Variants in UBR7 observed in about 807,000 individuals in gnomAD.
UBR7 encodes the protein ubiquitin protein ligase E3 component n-recognin 7.
UBR7 carries 22 observed loss-of-function variants against 57.0 expected under a neutral mutation model. The observed-to-expected ratio is 0.39, with a 90% CI of 0.28 to 0.55. The LOEUF (loss-of-function observed/expected upper bound fraction) is 0.55, where lower values mean the gene tolerates loss of function less well. Among genes scored for constraint, UBR7 ranks in the 20% least tolerant of loss-of-function variants. UBR7 has a pLI of 0.69. For missense variants in UBR7, 395 were observed against 513.2 expected (o/e 0.77, Z 2.23); for synonymous variants, 167 against 179.8 (o/e 0.93, Z 0.57).
chr14:93,227,656 C>T lies in UBR7; in HGVS notation c.*621C>T, dbSNP rs962808015. 19 of 700,648 alleles carry T rather than the reference C, an allele frequency of 2.7e-5. No homozygotes were observed. The highest frequency in any genetic ancestry group is 3.4e-5 in the Non-Finnish European group (13 of 384,826). The allele number at this position is 700,648 out of a possible 1,614,324, so 43.4% of individuals were successfully genotyped here. On this transcript the variant is annotated 3_prime_UTR_variant, in exon 11 of 11. Coordinates refer to ENST00000013070, the MANE Select transcript of UBR7 (RefSeq NM_175748.4). ...TTCTGGTCTGGATGTCTGTCACAGG[C>T]GGAGAGATTAACAGATGACAGGGTT... is the stretch of plus-strand genomic sequence containing the variant.
chr14:93,225,327 CA>C (rs146140327), intron 10 of UBR7, among the ~76,000 whole-genome samples: 12 of 146,612 alleles, frequency 8.2e-5, no homozygotes, highest in African/African-American at 2.5e-4. Context: ...AAACAAAAAC[CA>C]AAAAAAAAAC....
chr14:93,222,424 AG>A (rs1894727774), intron 10 of UBR7, 50 bp downstream of exon 10: 3 of 1,346,776 alleles, frequency 2.2e-6, no homozygotes, highest in Admixed American at 1.7e-5. Context: ...TTTTGAATGA[AG>A]GGTTTATTTC....
chr14:93,216,383 A>G (rs1894593305), intron 6 of UBR7, among the ~76,000 whole-genome samples: 1 of 152,090 alleles, frequency 6.6e-6, no homozygotes, highest in South Asian at 2.1e-4. Context: ...AAATTAAATC[A>G]AAACAACTAA....
chr14:93,207,670 C>T (rs914777955), intron 1 of UBR7, among the ~76,000 whole-genome samples: 2 of 152,158 alleles, frequency 1.3e-5, no homozygotes, highest in Non-Finnish European at 2.9e-5. Context: ...CTGTCTCCAA[C>T]TCTGTCCGGC....
chr14:93,215,335 A>G, intron 6 of UBR7, 54 bp downstream of exon 6: 1 of 1,436,066 alleles, frequency 7.0e-7, no homozygotes. Context: ...TGAAATTTGT[A>G]TGTTCAATTC....
chr14:93,226,792 CAAA>C (rs55907535), intron 10 of UBR7, 148 bp from the exon 11 acceptor site: 26,795 of 335,442 alleles, frequency 0.08, 306 homozygotes, highest in Admixed American at 0.096. Flanking sequence ...CACTCCATCT[CAAA>C]AAAAAAAAAA....
Position 93,227,188 on chromosome 14 carries a change from C to CA in UBR7, c.*153_*154insA. The CA allele has an allele frequency of 1.5e-6, 1 of 652,630 alleles. No individual in the cohort carries two copies. The highest frequency in any genetic ancestry group is 2.8e-6 in the Non-Finnish European group (1 of 356,880). The allele number at this position is 652,630 out of a possible 1,614,324, so 40.4% of individuals were successfully genotyped here. On this transcript the variant is annotated 3_prime_UTR_variant, in exon 11 of 11. Coordinates refer to ENST00000013070, the MANE Select transcript of UBR7 (RefSeq NM_175748.4). ...TCATTCTCTTTAGCTGCAGTAGCCA[C>CA]CGTGTGGATGCTGACTTCACAGCCA...
At chr14:93,208,513 G>A (rs1250386028) in intron 1 of UBR7, among the ~76,000 whole-genome samples, 1 of 150,336 alleles carries the variant, frequency 6.7e-6, no homozygotes, top group African/African-American at 2.4e-5. Flanking sequence ...AACTATTTTT[G>A]AAGTGTAGTT....
intron 3 of UBR7, among the ~76,000 whole-genome samples, chr14:93,211,806 C>A (rs555630836): frequency 4.6e-5 from 7 of 151,078 alleles, no homozygotes; most frequent in Admixed American, 3.3e-4. Flanking sequence ...TATTTAATTT[C>A]TCCTAATTAC....
chr14:93,220,223 T>A, intron 8 of UBR7, 26 bp from the exon 9 acceptor site: 1 of 138,176 alleles, frequency 7.2e-6, no homozygotes. Flanking sequence ...CTCCTCTTTC[T>A]TTTTTTTTTT....
intron 10 of UBR7, chr14:93,223,950 A>G (rs565792731): frequency 1.6e-5 from 12 of 733,490 alleles, no homozygotes; most frequent in Non-Finnish European, 2.7e-5. Context: ...TGCCCACAGT[A>G]GACAATCTCC....
chr14:93,225,787 G>C (rs1164904134), intron 10 of UBR7, among the ~76,000 whole-genome samples: 1 of 152,194 alleles, frequency 6.6e-6, no homozygotes, highest in East Asian at 1.9e-4. Context: ...ACCAAAAGCT[G>C]CACAGTCTCA....
rs748960697 is a variant in UBR7, at chr14:93,227,757, A to G, written c.*722A>G. The G allele has an allele frequency of 1.4e-6, 1 of 700,854 alleles. No homozygotes were observed. Among genetic ancestry groups the G allele is most frequent in the Non-Finnish European group, 2.6e-6 (1 of 384,820 alleles). The allele number at this position is 700,854 out of a possible 1,614,324, so 43.4% of individuals were successfully genotyped here. A position where few individuals can be genotyped will look rare whatever the true frequency, so the allele number is the denominator to read the frequency against. On this transcript the variant is annotated 3_prime_UTR_variant, in exon 11 of 11. Transcript: ENST00000013070. ...TTTCGTTCATGATTCTATTGGCACT[A>G]GAATTAGAATTTCAGTACTGTAGTG...
chr14:93,220,531 A>G, intron 9 of UBR7, 120 bp downstream of exon 9: 1 of 1,208,954 alleles, frequency 8.3e-7, no homozygotes. Flanking sequence ...TGAATTTTAG[A>G]CCATTGCTTG....
chr14:93,212,381 C>T (rs1894502662), intron 4 of UBR7, among the ~76,000 whole-genome samples: 1 of 152,210 alleles, frequency 6.6e-6, no homozygotes, highest in Non-Finnish European at 1.5e-5. Context: ...CCCTTCCTCT[C>T]CTTCCCTGAC....
intron 10 of UBR7, among the ~76,000 whole-genome samples, chr14:93,226,004 A>G (rs544701771): frequency 1.2e-3 from 184 of 152,318 alleles, no homozygotes; most frequent in African/African-American, 4.3e-3. Flanking sequence ...AGCTGCAGTC[A>G]TTTCAGGATG....
rs538788720 is a variant in UBR7, at chr14:93,216,908, G to A, written c.602-1619G>A. ...TGGGATTACAGGCATGAGCCACCAC[G>A]CCCGGCCAGTTTGCCTCAGAGTTCT... On this transcript the variant is annotated intron_variant, in intron 6 of 10. Transcript: ENST00000013070. Among the ~76,000 whole-genome samples, 6 of 151,466 alleles carry A rather than the reference G, an allele frequency of 4.0e-5. No homozygotes were observed. In the South Asian group the frequency reaches 8.4e-4, roughly 21 times the overall value.
chr14:93,224,117 C>G, intron 10 of UBR7: 3 of 800,148 alleles, frequency 3.7e-6, no homozygotes, highest in Non-Finnish European at 6.4e-6. Context: ...CTTGTACTCT[C>G]ATAGTGTGCC....
At position 93,210,952 on chromosome 14, in the gene UBR7, T is replaced by A; in HGVS notation, c.345+244T>A. The stretch of plus-strand genomic sequence containing the variant: ...GATGTACTTGAAAGTAATTCAGGTT[T>A]AATTATATTGGTTGTACTTATTCTC... On this transcript the variant is annotated intron_variant, in intron 3 of 10. Coordinates refer to ENST00000013070, the MANE Select transcript of UBR7 (RefSeq NM_175748.4). Among the ~76,000 whole-genome samples the A allele has an allele frequency of 1.3e-5, 2 of 152,228 alleles. 1 individual carries two copies. The highest frequency in any genetic ancestry group is 3.8e-4 in the East Asian group (2 of 5,204).
Sources: allele counts gnomAD v4.1 joint callset (sites outside exome capture counted in the v4.1 genomes callset), GRCh38; gene constraint gnomAD v4.1.1; transcripts MANE v1.5; gene names NCBI Gene and HGNC (gene_info 2026-07-23, HGNC 2026-07-21).